TBX15: variants seen among roughly 807,000 people sequenced by gnomAD.
TBX15 encodes the protein T-box transcription factor TBX15.
In TBX15, 18 loss-of-function variants were observed where a neutral mutation model predicts 53.9. That is an observed-to-expected ratio of 0.33 (90% CI 0.23 to 0.49). The LOEUF (loss-of-function observed/expected upper bound fraction) is 0.49, where lower values mean the gene tolerates loss of function less well. TBX15 is among the 20% of genes least tolerant of loss of function. The pLI, the probability that TBX15 is intolerant of heterozygous loss-of-function variation, is 0.98. For missense variants in TBX15, 692 were observed against 749.5 expected, an observed-to-expected ratio of 0.92 and a Z score of 0.90; for synonymous variants, 295 against 278.0, an observed-to-expected ratio of 1.06 and a Z score of -0.61.
chr1:118,895,441 T>G, intron 7 of TBX15, among the ~76,000 whole-genome samples: 1 of 152,184 alleles, frequency 6.6e-6, no homozygotes, highest in East Asian at 1.9e-4. Context: ...ATTATATACA[T>G]GAGGAAGTTG....
At chr1:118,889,847 A>C (rs1159076418) in intron 7 of TBX15, among the ~76,000 whole-genome samples, 2 of 152,126 alleles carry the variant, frequency 1.3e-5, no homozygotes, top group Non-Finnish European at 2.9e-5. Flanking sequence ...TATGTTGCTC[A>C]GGCTGGTCTT....
intron 1 of TBX15, 24 bp downstream of exon 1, chr1:118,987,567 C>T: frequency 2.0e-6 from 3 of 1,537,100 alleles, no homozygotes; most frequent in Non-Finnish European, 2.6e-6. Context: ...GCCCGCCTCC[C>T]GCGGTCGGCT....
At chr1:118,907,872 G>A (rs928831543) in intron 6 of TBX15, among the ~76,000 whole-genome samples, 5 of 152,072 alleles carry the variant, frequency 3.3e-5, no homozygotes, top group Admixed American at 2.0e-4. Flanking sequence ...CCTGAAGCTC[G>A]CAGGCACTGA....
chr1:118,941,515 T>C (rs1228936343), intron 1 of TBX15, among the ~76,000 whole-genome samples: 2 of 152,190 alleles, frequency 1.3e-5, no homozygotes, highest in African/African-American at 2.4e-5. Flanking sequence ...CAACTCACCA[T>C]GCAAACATAG....
chr1:118,892,410 C>G (rs932005019), intron 7 of TBX15, among the ~76,000 whole-genome samples: 3 of 151,944 alleles, frequency 2.0e-5, no homozygotes, highest in Admixed American at 2.0e-4. Flanking sequence ...AAGAAATGCA[C>G]AAATCTAAAC....
intron 6 of TBX15, among the ~76,000 whole-genome samples, chr1:118,911,777 C>T (rs546815747): frequency 6.6e-6 from 1 of 152,314 alleles, no homozygotes; most frequent in Admixed American, 6.5e-5. Flanking sequence ...GTTGCACAGA[C>T]ATGCCTGGCA....
intron 2 of TBX15, among the ~76,000 whole-genome samples, chr1:118,928,246 GC>G (rs561809024): frequency 3.3e-4 from 50 of 152,240 alleles, no homozygotes; most frequent in African/African-American, 1.1e-3. Flanking sequence ...AGAGATGGTG[GC>G]TAATTCTTAT....
chr1:118,931,354 C>T (rs536770894), intron 2 of TBX15, among the ~76,000 whole-genome samples: 1 of 152,342 alleles, frequency 6.6e-6, no homozygotes, highest in South Asian at 2.1e-4. Context: ...ATCCCATGGA[C>T]TTCCAATATT....
intron 1 of TBX15, among the ~76,000 whole-genome samples, chr1:118,935,246 G>T (rs1655931535): frequency 1.3e-5 from 2 of 152,180 alleles, no homozygotes; most frequent in African/African-American, 4.8e-5. Context: ...CTATTAATTA[G>T]GATGTATAAT....
At chr1:118,931,888 T>G in intron 1 of TBX15, 56 bp from the exon 2 acceptor site, 1 of 1,520,706 alleles carries the variant, frequency 6.6e-7, no homozygotes, top group Non-Finnish European at 8.9e-7. Flanking sequence ...CCCTCACCCA[T>G]GGCCCTAAAA....
intron 6 of TBX15, chr1:118,901,475 T>C: frequency 4.4e-6 from 2 of 451,136 alleles, no homozygotes; most frequent in South Asian, 3.2e-5. Flanking sequence ...ATTCAAACCA[T>C]AGCAGTTTCA....
intron 6 of TBX15, among the ~76,000 whole-genome samples, chr1:118,905,556 A>G (rs1261987774): frequency 6.6e-6 from 1 of 152,220 alleles, no homozygotes; most frequent in Non-Finnish European, 1.5e-5. Flanking sequence ...ATCTGCCAGA[A>G]TCCAGCACAG....
intron 1 of TBX15, among the ~76,000 whole-genome samples, chr1:118,984,190 C>A (rs956650974): frequency 1.5e-4 from 23 of 152,324 alleles, no homozygotes; most frequent in Non-Finnish European, 8.8e-5. Flanking sequence ...AGACCTGCCA[C>A]GTGTACACGT....
At chr1:118,941,554 T>C (rs930918883) in intron 1 of TBX15, among the ~76,000 whole-genome samples, 14 of 152,176 alleles carry the variant, frequency 9.2e-5, no homozygotes, top group African/African-American at 3.4e-4. Flanking sequence ...AAATATAACA[T>C]GGCTGACAAC....
At chr1:118,909,245 C>A (rs961678699) in intron 6 of TBX15, among the ~76,000 whole-genome samples, 1 of 152,184 alleles carries the variant, frequency 6.6e-6, no homozygotes, top group African/African-American at 2.4e-5. Flanking sequence ...CCATGGAGAC[C>A]AGAATACCAT....
intron 5 of TBX15, among the ~76,000 whole-genome samples, chr1:118,920,141 C>T (rs1354063487): frequency 2.0e-5 from 3 of 152,102 alleles, no homozygotes; most frequent in Admixed American, 6.6e-5. Context: ...CTCCCAACTT[C>T]GTGTTTTCTA....
At chr1:118,984,769 C>T (rs936149424) in intron 1 of TBX15, among the ~76,000 whole-genome samples, 1 of 152,168 alleles carries the variant, frequency 6.6e-6, no homozygotes, top group Admixed American at 6.5e-5. Context: ...CCACCAGGCT[C>T]GGTGGAATTT....
intron 1 of TBX15, among the ~76,000 whole-genome samples, chr1:118,937,741 C>G (rs558148392): frequency 1.2e-4 from 18 of 152,330 alleles, no homozygotes; most frequent in Non-Finnish European, 4.4e-5. Context: ...ATAGACAATT[C>G]ATCTTACTTT....
intron 1 of TBX15, among the ~76,000 whole-genome samples, chr1:118,933,688 C>G (rs1655876435): frequency 6.6e-6 from 1 of 152,244 alleles, no homozygotes; most frequent in East Asian, 1.9e-4. Context: ...CTCAGCCAAA[C>G]ACACTAATTC....
Sources: allele counts gnomAD v4.1 joint callset (sites outside exome capture counted in the v4.1 genomes callset), GRCh38; gene constraint gnomAD v4.1.1; transcripts MANE v1.5; gene names NCBI Gene and HGNC (gene_info 2026-07-23, HGNC 2026-07-21).